Variants in DHX29 observed in about 807,000 individuals in gnomAD.
DHX29 encodes ATP-dependent RNA helicase DHX29.
DHX29 carries 79 observed loss-of-function variants against 167.9 expected under a neutral mutation model. That is an observed-to-expected ratio of 0.47 (90% CI 0.39 to 0.57). DHX29 has a LOEUF of 0.57. DHX29 is among the 20% of genes least tolerant of loss of function. The pLI is 0.00. For missense variants in DHX29, 1,347 were observed against 1,593.4 expected, an observed-to-expected ratio of 0.85 and a Z score of 2.63; for synonymous variants, 530 against 546.0, an observed-to-expected ratio of 0.97 and a Z score of 0.41.
rs1052132 is a variant in DHX29 at position 55,261,455 on chromosome 5, G to A, written c.3873C>T (p.Thr1291=). 62,884 of 1,569,660 alleles carry A rather than the reference G, an allele frequency of 0.04. 1,476 individuals are homozygous for A. The highest frequency in any genetic ancestry group is 0.047 in the Non-Finnish European group (54,102 of 1,140,470). ...RVYLRETTLI[T]PFPVLLFGGD... The stretch of plus-strand genomic sequence containing the variant: ...CACCAAAAAGTAAAACTGGAAAAGG[G>A]GTTATTAGGGTAGTTTCTCTCAAAT... Residue 1291 remains threonine (T), a synonymous_variant, in exon 25 of 27, where the codon ACC becomes ACT. Transcript: ENST00000251636.
chr5:55,273,291 A>G lies in DHX29; in HGVS notation c.2775+2T>C, dbSNP rs766796740. On this transcript the variant is annotated splice_donor_variant, in intron 17 of 26. Transcript: ENST00000251636. LOFTEE classifies it high-confidence loss of function. ...ATATAAATTTGCTGTACTAAATTTT[A>G]CCTTCCTGACTCCTGGAGGGGGAAG... 6.3e-7 allele frequency: 1 copy of G among 1,587,776 alleles called. No individual in the cohort carries two copies. The highest frequency in any genetic ancestry group is 8.6e-7 in the Non-Finnish European group (1 of 1,165,552).
intron 6 of DHX29, among the ~76,000 whole-genome samples, chr5:55,292,231 T>C (rs923559042): frequency 6.6e-6 from 1 of 152,154 alleles, no homozygotes; most frequent in Admixed American, 6.5e-5. Flanking sequence ...GGGTGTGAAA[T>C]GGTATGCCAT....
At position 55,296,359 on chromosome 5, in the gene DHX29, G is replaced by A; in HGVS notation, c.376-10C>T. 6.2e-7 allele frequency: 1 copy of A among 1,603,444 alleles called. No homozygotes were observed. Among genetic ancestry groups the A allele is most frequent in the South Asian group, 1.1e-5 (1 of 88,310 alleles). ...AAGCCATGTATAAATCCTATGACAA[G>A]CAAATATAAAAAAAGTCACATTTGT... On this transcript the variant is annotated splice_polypyrimidine_tract_variant and intron_variant, in intron 3 of 26. Coordinates refer to ENST00000251636, the MANE Select transcript of DHX29 (RefSeq NM_019030.4).
At chr5:55,301,713 CAAAAAAAAAAAAA>C (rs70992777) in intron 1 of DHX29, among the ~76,000 whole-genome samples, 1 of 64,738 alleles carries the variant, frequency 1.5e-5, no homozygotes. Context: ...AACTCCATCT[CAAAAAAAAAAAAA>C]AAAAAAAAAA....
chr5:55,257,063 A>C (rs996803753), intron 26 of DHX29, among the ~76,000 whole-genome samples: 1 of 151,998 alleles, frequency 6.6e-6, no homozygotes, highest in Non-Finnish European at 1.5e-5. Context: ...AGAGGTGTCA[A>C]TGCGGAAGTG....
rs1198376672 is a variant in DHX29 at position 55,295,458 on chromosome 5, T to C, written c.572A>G (p.Gln191Arg). Reference protein sequence around the residue: ...EQQPKSRPKFQSPQIQATISP... With the variant: ...EQQPKSRPKFRSPQIQATISP... The stretch of plus-strand genomic sequence containing the variant: ...AATAGTGGCTTGTATTTGAGGAGAC[T>C]GAAATTTAGGCCTACTTTTAGGTTG... Residue 191 changes from glutamine to arginine, a missense_variant, in exon 5 of 27, where the codon CAG becomes CGG. By Grantham distance (43) the Gln-to-Arg change is conservative. Transcript: ENST00000251636. 10 of 1,613,806 alleles carry C rather than the reference T, an allele frequency of 6.2e-6. No homozygotes were observed. Among genetic ancestry groups the C allele is most frequent in the South Asian group, 1.1e-5 (1 of 91,082 alleles).
At chr5:55,304,736 CTTG>C (rs1359227376) in intron 1 of DHX29, among the ~76,000 whole-genome samples, 1 of 151,914 alleles carries the variant, frequency 6.6e-6, no homozygotes, top group East Asian at 1.9e-4. Flanking sequence ...ACTGGTATTA[CTTG>C]TTGTGCAAGC....
chr5:55,287,328 C>G (rs954171659), intron 8 of DHX29, among the ~76,000 whole-genome samples: 4 of 152,084 alleles, frequency 2.6e-5, no homozygotes, highest in African/African-American at 7.2e-5. Flanking sequence ...GTAATCCCGG[C>G]TACTTGGGAG....
At chr5:55,287,440 C>CA (rs992506589) in intron 8 of DHX29, among the ~76,000 whole-genome samples, 4 of 150,834 alleles carry the variant, frequency 2.7e-5, no homozygotes, top group Non-Finnish European at 5.9e-5. Flanking sequence ...AGGTCTGTCT[C>CA]AAAAAAAATC....
At chr5:55,285,942 G>A (rs901470922) in intron 8 of DHX29, 81 bp from the exon 9 acceptor site, 1 of 1,153,340 alleles carries the variant, frequency 8.7e-7, no homozygotes, top group African/African-American at 1.6e-5. Flanking sequence ...TCTTGCTTTG[G>A]AGAACAGCAC....
intron 25 of DHX29, 116 bp downstream of exon 25, chr5:55,261,252 C>G: frequency 1.9e-6 from 1 of 536,898 alleles, no homozygotes; most frequent in Non-Finnish European, 3.3e-6. Context: ...AGGAATTCTA[C>G]TTAACTCATA....
intron 14 of DHX29, among the ~76,000 whole-genome samples, chr5:55,275,767 A>G (rs577912159): frequency 6.6e-5 from 10 of 150,746 alleles, no homozygotes; most frequent in African/African-American, 2.5e-4. Flanking sequence ...GTATGTATGT[A>G]TGTATGTGTG....
At chr5:55,271,401 C>T (rs1232796890) in intron 18 of DHX29, among the ~76,000 whole-genome samples, 3 of 152,192 alleles carry the variant, frequency 2.0e-5, no homozygotes, top group Admixed American at 2.0e-4. Context: ...AAGGCCGAGG[C>T]AGGCAGATTG....
At chr5:55,298,752 C>T (rs925452951) in intron 1 of DHX29, 88 bp from the exon 2 acceptor site, 42 of 657,894 alleles carry the variant, frequency 6.4e-5, no homozygotes, top group South Asian at 1.6e-4. Flanking sequence ...AATATTAGGC[C>T]GGGCGCGGTG....
At chr5:55,272,246 G>C in intron 17 of DHX29, 71 bp from the exon 18 acceptor site, 1 of 956,700 alleles carries the variant, frequency 1.0e-6, no homozygotes, top group Admixed American at 3.1e-5. Flanking sequence ...AATTTCTTTA[G>C]TTTGAGCTGA....
intron 23 of DHX29, among the ~76,000 whole-genome samples, chr5:55,266,539 C>T: frequency 6.7e-6 from 1 of 148,986 alleles, no homozygotes; most frequent in Non-Finnish European, 1.5e-5. Context: ...AAACTCCCAA[C>T]CTCAGGTGAT....
At chr5:55,281,155 A>C (rs988538898) in intron 12 of DHX29, among the ~76,000 whole-genome samples, 4 of 152,072 alleles carry the variant, frequency 2.6e-5, no homozygotes, top group African/African-American at 7.2e-5. Flanking sequence ...ACACACACAC[A>C]AATATATATC....
intron 4 of DHX29, 47 bp from the exon 5 acceptor site, chr5:55,295,571 A>C (rs778547111): frequency 6.4e-7 from 1 of 1,572,206 alleles, no homozygotes; most frequent in Admixed American, 1.9e-5. Flanking sequence ...CATATGATAC[A>C]TAAAACACAC....
In DHX29 at chr5:55,296,287, G is replaced by T. The variant is rs760411525; in HGVS notation, c.438C>A (p.Thr146=). 1 of 1,613,560 alleles carries T rather than the reference G, an allele frequency of 6.2e-7. No homozygotes were observed. Among genetic ancestry groups the T allele is most frequent in the East Asian group, 2.2e-5 (1 of 44,782 alleles). Residue 146 remains threonine, a synonymous_variant, in exon 4 of 27, where the codon ACC becomes ACA. Coordinates refer to ENST00000251636, the MANE Select transcript of DHX29 (RefSeq NM_019030.4). ...GGTCACCTCCATATAAGAGTGTATT[G>T]GTCATGGCATCTTCAATGTCCTTTG... ...FKTKDIEDAM[T]NTLLYGGDLH...
Sources: gnomAD v4.1 joint callset for allele counts (sites outside exome capture counted in the v4.1 genomes callset) on GRCh38, gnomAD v4.1.1 for gene constraint, MANE v1.5 for transcripts, NCBI Gene and HGNC (gene_info 2026-07-23, HGNC 2026-07-21) for gene names.